STEAP1B: variants seen among roughly 807,000 people sequenced by gnomAD.
STEAP1B encodes STEAP family protein MGC87042.
Under a neutral mutation model 27.9 loss-of-function variants are expected in STEAP1B, and 13 were observed. The observed-to-expected ratio is 0.47, with a 90% CI of 0.30 to 0.74. STEAP1B has a LOEUF of 0.74. Ranked by LOEUF, STEAP1B falls within the 30% of genes least tolerant of loss-of-function variation. The probability of loss-of-function intolerance (pLI) is 0.06; values close to 1 mark genes in which losing one functional copy is unlikely to be tolerated. For synonymous variants in STEAP1B, 86 were observed against 107.1 expected, an observed-to-expected ratio of 0.80 and a Z score of 1.22; for missense variants, 250 against 298.7, an observed-to-expected ratio of 0.84 and a Z score of 1.20.
rs572029240 is a variant in STEAP1B at position 22,435,366 on chromosome 7, G to T, written c.763-15530C>A. 4.5e-4 allele frequency among the ~76,000 whole-genome samples: 68 copies of T among 152,112 alleles called. 1 individual carries two copies. Among genetic ancestry groups the T allele is most frequent in the African/African-American group, 1.6e-3 (67 of 41,510 alleles). ...AGGCACAAACAAACCACAGAGAAAA[G>T]CTGGAGGGACAGCACGAAGCTGGTG... On this transcript the variant is annotated intron_variant, in intron 4 of 4. Transcript: ENST00000678116.
intron 4 of STEAP1B, among the ~76,000 whole-genome samples, chr7:22,443,199 G>A (rs1583634021): frequency 6.6e-6 from 1 of 152,126 alleles, no homozygotes; most frequent in Admixed American, 6.5e-5. Flanking sequence ...CTTCTTGCAG[G>A]ACCCAAACTG....
chr7:22,456,033 G>A (rs997018628), intron 4 of STEAP1B, among the ~76,000 whole-genome samples: 2 of 152,044 alleles, frequency 1.3e-5, no homozygotes, highest in Non-Finnish European at 2.9e-5. Flanking sequence ...TGTAGTCCCA[G>A]CTACTCGTGA....
intron 4 of STEAP1B, among the ~76,000 whole-genome samples, chr7:22,488,429 T>C (rs1786257178): frequency 6.6e-6 from 1 of 152,206 alleles, no homozygotes; most frequent in Admixed American, 6.5e-5. Context: ...GCCCTTGCCC[T>C]ACCTAGTCAC....
intron 4 of STEAP1B, among the ~76,000 whole-genome samples, chr7:22,464,949 A>ATATATATATACATATATG (rs1554286206): frequency 2.1e-5 from 1 of 47,968 alleles, no homozygotes; most frequent in Admixed American, 2.2e-4. Flanking sequence ...ACCAAACCCC[A>ATATATATATACATATATG]TATATATATA....
At chr7:22,488,636 C>T (rs1401106586) in intron 4 of STEAP1B, among the ~76,000 whole-genome samples, 1 of 152,224 alleles carries the variant, frequency 6.6e-6, no homozygotes, top group Non-Finnish European at 1.5e-5. Context: ...AACAAAAGTT[C>T]TTGGTAGGTT....
At chr7:22,460,606 G>A (rs1403105433) in intron 4 of STEAP1B, among the ~76,000 whole-genome samples, 13 of 152,146 alleles carry the variant, frequency 8.5e-5, no homozygotes, top group Non-Finnish European at 1.5e-5. Context: ...GAGCTCTTAA[G>A]AGCGCACAGG....
chr7:22,446,235 G>A (rs576633680), intron 4 of STEAP1B, among the ~76,000 whole-genome samples: 1 of 152,338 alleles, frequency 6.6e-6, no homozygotes, highest in East Asian at 1.9e-4. Flanking sequence ...CAGATCCCCG[G>A]TCCCTACCCT....
chr7:22,477,690 G>A (rs146279601), intron 4 of STEAP1B, among the ~76,000 whole-genome samples: 70 of 151,450 alleles, frequency 4.6e-4, no homozygotes, highest in African/African-American at 1.6e-3. Flanking sequence ...TCATATGTGT[G>A]CAAAATTTTG....
At chr7:22,496,500 T>A (rs1786444007) in intron 1 of STEAP1B, among the ~76,000 whole-genome samples, 1 of 152,188 alleles carries the variant, frequency 6.6e-6, no homozygotes, top group African/African-American at 2.4e-5. Context: ...CAACTTCCAG[T>A]TCTGCAAGTT....
chr7:22,428,142 C>T (rs1339179895), intron 4 of STEAP1B, among the ~76,000 whole-genome samples: 2 of 152,126 alleles, frequency 1.3e-5, no homozygotes, highest in Non-Finnish European at 2.9e-5. Flanking sequence ...GAACTTAGCA[C>T]GGCAGCCAAG....
chr7:22,430,494 G>A (rs1785169305), intron 4 of STEAP1B, among the ~76,000 whole-genome samples: 1 of 152,196 alleles, frequency 6.6e-6, no homozygotes, highest in Admixed American at 6.5e-5. Flanking sequence ...TTGTATCATT[G>A]GACCTTGGAC....
chr7:22,465,474 G>C (rs1785760726), intron 4 of STEAP1B, among the ~76,000 whole-genome samples: 1 of 152,066 alleles, frequency 6.6e-6, no homozygotes. Flanking sequence ...TTTTAGATTT[G>C]TTCATACTGA....
intron 1 of STEAP1B, among the ~76,000 whole-genome samples, chr7:22,496,255 G>A (rs1415657731): frequency 2.0e-5 from 3 of 152,142 alleles, no homozygotes; most frequent in Non-Finnish European, 4.4e-5. Context: ...TATTTTGTAT[G>A]GCTGTACAAT....
At chr7:22,443,517 G>A (rs1785364914) in intron 4 of STEAP1B, among the ~76,000 whole-genome samples, 2 of 152,232 alleles carry the variant, frequency 1.3e-5, no homozygotes, top group African/African-American at 2.4e-5. Flanking sequence ...CTGTCTCTGG[G>A]TGTGGCTGAA....
At chr7:22,424,411 T>G (rs561749763) in intron 4 of STEAP1B, among the ~76,000 whole-genome samples, 1 of 152,334 alleles carries the variant, frequency 6.6e-6, no homozygotes, top group African/African-American at 2.4e-5. Context: ...GGAAAATATA[T>G]TCAACCCTAA....
chr7:22,449,151 A>C (rs866791811), intron 4 of STEAP1B, among the ~76,000 whole-genome samples: 63 of 152,254 alleles, frequency 4.1e-4, no homozygotes, highest in African/African-American at 1.5e-3. Context: ...ATCCGATTAC[A>C]CTCTTTCAGA....
intron 4 of STEAP1B, among the ~76,000 whole-genome samples, chr7:22,431,086 T>C (rs1371290414): frequency 6.6e-6 from 1 of 152,234 alleles, no homozygotes; most frequent in Admixed American, 6.5e-5. Context: ...CTTTAAGATG[T>C]TTTTGGCTAC....
At chr7:22,451,571 T>C (rs916876719) in intron 4 of STEAP1B, among the ~76,000 whole-genome samples, 4 of 152,234 alleles carry the variant, frequency 2.6e-5, no homozygotes, top group Non-Finnish European at 4.4e-5. Context: ...GTATATTTTA[T>C]CTCCAGTATT....
chr7:22,452,771 C>T (rs3114717), intron 4 of STEAP1B, among the ~76,000 whole-genome samples: 65,408 of 151,848 alleles, frequency 0.43, 14,266 homozygotes, highest in African/African-American at 0.49. Context: ...ACCCCAAGCT[C>T]GAGAAATCTT....
Sources: gnomAD v4.1 joint callset for allele counts (sites outside exome capture counted in the v4.1 genomes callset) on GRCh38, gnomAD v4.1.1 for gene constraint, MANE v1.5 for transcripts, NCBI Gene and HGNC (gene_info 2026-07-23, HGNC 2026-07-21) for gene names.